Variants in AKAP12 observed in about 807,000 individuals in gnomAD.
AKAP12 encodes the protein A-kinase anchoring protein 12.
Under a neutral mutation model 79.9 loss-of-function variants are expected in AKAP12, and 32 were observed. That is an observed-to-expected ratio of 0.40 (90% CI 0.30 to 0.54). The LOEUF (loss-of-function observed/expected upper bound fraction) is 0.54, where lower values mean the gene tolerates loss of function less well. Ranked by LOEUF, AKAP12 falls within the 20% of genes least tolerant of loss-of-function variation. The probability of loss-of-function intolerance (pLI) is 0.48; values close to 1 mark genes in which losing one functional copy is unlikely to be tolerated. For missense variants in AKAP12, 2,074 were observed against 2,177.0 expected (o/e 0.95, Z 0.94); for synonymous variants, 808 against 857.0 (o/e 0.94, Z 1.00).
chr6:151,306,067 C>T (rs1472256602), intron 3 of AKAP12, among the ~76,000 whole-genome samples, 164 bp downstream of exon 3: 1 of 152,212 alleles, frequency 6.6e-6, no homozygotes, highest in Non-Finnish European at 1.5e-5. Context: ...TGGATACCCC[C>T]TATACTTAGA....
At chr6:151,275,768 A>G (rs1776281991) in intron 2 of AKAP12, among the ~76,000 whole-genome samples, 1 of 152,210 alleles carries the variant, frequency 6.6e-6, no homozygotes, top group Non-Finnish European at 1.5e-5. Context: ...TTTTCCTTCC[A>G]TCAAATGTAT....
In AKAP12 at chr6:151,240,533, G is replaced by A. The variant is rs945943235; in HGVS notation, c.-30G>A. The A allele has an allele frequency of 1.2e-5, 17 of 1,415,810 alleles. No homozygotes were observed. Among genetic ancestry groups the A allele is most frequent in the East Asian group, 3.1e-5 (1 of 32,642 alleles). 87.7% of individuals were successfully genotyped at this position (1,415,810 alleles called of 1,614,324 possible). On this transcript the variant is annotated 5_prime_UTR_variant, in exon 2 of 5. Coordinates refer to ENST00000402676, the MANE Select transcript of AKAP12 (RefSeq NM_005100.4). ...CGGCTTGGGGAAGGCGTAACCCGGC[G>A]GCTAGGCGCGGGAGAAGTGCGGAGG...
chr6:151,275,143 A>G (rs189082616), intron 2 of AKAP12, among the ~76,000 whole-genome samples: 24 of 152,032 alleles, frequency 1.6e-4, no homozygotes, highest in African/African-American at 5.8e-4. Flanking sequence ...TTTCTCACAA[A>G]CATGTTTGAC....
intron 3 of AKAP12, among the ~76,000 whole-genome samples, chr6:151,343,508 G>T (rs1778003683): frequency 6.6e-6 from 1 of 152,208 alleles, no homozygotes; most frequent in Non-Finnish European, 1.5e-5. Context: ...TGACCGCCAG[G>T]CACGGTGGCT....
chr6:151,322,775 T>C (rs2485542), intron 3 of AKAP12, among the ~76,000 whole-genome samples: 31,516 of 150,110 alleles, frequency 0.21, 4,114 homozygotes, highest in African/African-American at 0.37. Flanking sequence ...GCACCATCCA[T>C]GACTGAGCTC....
In AKAP12 at chr6:151,295,137, T is replaced by G. The variant is rs541067724; in HGVS notation, c.163-10610T>G. 3.3e-5 allele frequency among the ~76,000 whole-genome samples: 5 copies of G among 152,338 alleles called. No homozygotes were observed. The South Asian group carries it at 1.0e-3, about 32-fold the overall frequency. On this transcript the variant is annotated intron_variant, in intron 2 of 4. Coordinates refer to ENST00000402676, the MANE Select transcript of AKAP12 (RefSeq NM_005100.4). The stretch of plus-strand genomic sequence containing the variant: ...TTGATAAATGCCGATCTTTGAGAAT[T>G]TAGAGGCCTAATTTGTAGACAACAT...
In AKAP12 at chr6:151,324,667, C is replaced by T. The variant is rs1246351934; in HGVS notation, c.319+18764C>T. 5.1e-6 allele frequency: 5 copies of T among 985,176 alleles called. No homozygotes were observed. The African/African-American group carries it at 7.0e-5, about 14-fold the overall frequency. 61.0% of individuals were successfully genotyped at this position (985,176 alleles called of 1,614,324 possible). On this transcript the variant is annotated intron_variant, in intron 3 of 4. Coordinates refer to ENST00000402676, the MANE Select transcript of AKAP12 (RefSeq NM_005100.4). ...GAAGAGCTGGTGTTAATGGGTCAGG[C>T]AGGCAAGGCATGAAGTGATAAATAG...
chr6:151,331,587 A>C (rs931387120), intron 3 of AKAP12, among the ~76,000 whole-genome samples: 10 of 152,146 alleles, frequency 6.6e-5, no homozygotes, highest in African/African-American at 2.4e-4. Flanking sequence ...TTTTTACTGC[A>C]TCTTTTTAAA....
chr6:151,311,690 T>C (rs1446976962), intron 3 of AKAP12, among the ~76,000 whole-genome samples: 1 of 152,222 alleles, frequency 6.6e-6, no homozygotes, highest in African/African-American at 2.4e-5. Context: ...ATTTTTCTAA[T>C]GGCGCTTAAT....
intron 2 of AKAP12, among the ~76,000 whole-genome samples, chr6:151,260,866 C>A (rs530068922): frequency 6.6e-6 from 1 of 152,168 alleles, no homozygotes; most frequent in African/African-American, 2.4e-5. Context: ...GTGGTGCGCA[C>A]CTGTAGTCCC....
chr6:151,261,340 C>A (rs981853826), intron 2 of AKAP12, among the ~76,000 whole-genome samples: 1 of 151,848 alleles, frequency 6.6e-6, no homozygotes, highest in Non-Finnish European at 1.5e-5. Context: ...CACTGCACTA[C>A]AGCCTGGATG....
chr6:151,333,903 AGAG>A (rs1285674713), intron 3 of AKAP12, among the ~76,000 whole-genome samples: 4 of 151,988 alleles, frequency 2.6e-5, no homozygotes, highest in Admixed American at 2.0e-4. Flanking sequence ...AAAGTGAAGA[AGAG>A]GAGGTGAGGA....
rs1373445735 is a variant in AKAP12, at chr6:151,350,278, T to C, written c.1887T>C (p.Ser629=). 1.2e-6 allele frequency: 2 copies of C among 1,610,738 alleles called. No homozygotes were observed. The highest frequency in any genetic ancestry group is 8.5e-7 in the Non-Finnish European group (1 of 1,178,944). ...AGCGTGTTAGACGGCCTTCGGAAAGTGATAAAGAAGATGAGCTGGACAAGG... is the reference window on the plus strand; with the variant it reads ...AGCGTGTTAGACGGCCTTCGGAAAGCGATAAAGAAGATGAGCTGGACAAGG... ...PKKRVRRPSE[S]DKEDELDKVK... is the part of the protein sequence containing the mutation. Residue 629 remains serine, a synonymous_variant, in exon 4 of 5, where the codon AGT becomes AGC. Coordinates refer to ENST00000402676, the MANE Select transcript of AKAP12 (RefSeq NM_005100.4). The surrounding 1 kb of genome is among the most constrained non-coding windows in gnomAD (Gnocchi z 4.8).
intron 3 of AKAP12, chr6:151,325,217 C>A (rs1470849159): frequency 3.2e-5 from 32 of 985,206 alleles, no homozygotes; most frequent in Non-Finnish European, 3.7e-5. Flanking sequence ...GCTACAGATG[C>A]CAAGAAGGGA....
chr6:151,335,806 T>C (rs1422294892), intron 3 of AKAP12, among the ~76,000 whole-genome samples: 2 of 152,154 alleles, frequency 1.3e-5, no homozygotes, highest in Admixed American at 6.6e-5. Flanking sequence ...GGGATACATA[T>C]ATAGGTTTGT....
rs1266363514 is a variant in AKAP12, at chr6:151,356,180, T to C, written c.*466T>C. The C allele has an allele frequency of 6.6e-6, 1 of 152,656 alleles. No individual in the cohort carries two copies. Among genetic ancestry groups the C allele is most frequent in the African/African-American group, 2.4e-5 (1 of 41,460 alleles). 9.5% of individuals were successfully genotyped at this position (152,656 alleles called of 1,614,324 possible). On this transcript the variant is annotated 3_prime_UTR_variant, in exon 5 of 5. Coordinates refer to ENST00000402676, the MANE Select transcript of AKAP12 (RefSeq NM_005100.4). ...ACAGTATATGATGGGGCATGTGCCA[T>C]AGTGCAGGCTTGGGGAGCTTTAAGC...
At chr6:151,297,025 T>TTG (rs1280575774) in intron 2 of AKAP12, among the ~76,000 whole-genome samples, 6 of 151,580 alleles carry the variant, frequency 4.0e-5, no homozygotes, top group South Asian at 4.2e-4. Flanking sequence ...AAGGGTTTTT[T>TTG]TTTTTTTTTT....
chr6:151,316,063 C>A (rs1777226070), intron 3 of AKAP12, among the ~76,000 whole-genome samples: 1 of 149,328 alleles, frequency 6.7e-6, no homozygotes, highest in South Asian at 2.1e-4. Flanking sequence ...CACAGACAAA[C>A]CATATCATAT....
chr6:151,341,219 T>C (rs182752040), intron 3 of AKAP12, among the ~76,000 whole-genome samples: 8 of 151,970 alleles, frequency 5.3e-5, no homozygotes, highest in Non-Finnish European at 1.2e-4. Context: ...GCCCGGCTAA[T>C]TTGTTTGTAT....
Sources: allele counts gnomAD v4.1 joint callset (sites outside exome capture counted in the v4.1 genomes callset), GRCh38; gene constraint gnomAD v4.1.1; non-coding constraint Gnocchi (gnomAD v3.1); transcripts MANE v1.5; gene names NCBI Gene and HGNC (gene_info 2026-07-23, HGNC 2026-07-21).